The following KCND3 variants were observed in gnomAD, a reference collection of about 807,000 sequenced individuals.
KCND3 encodes the protein A-type voltage-gated potassium channel KCND3.
KCND3 carries 9 observed loss-of-function variants against 51.1 expected under a neutral mutation model. The ratio of observed to expected loss-of-function variants is 0.18; its 90% CI spans 0.11 to 0.31. The LOEUF is 0.31. Ranked by LOEUF, KCND3 falls within the 10% of genes least tolerant of loss-of-function variation. The pLI is 1.00. For synonymous variants in KCND3, 349 were observed against 368.0 expected (o/e 0.95, Z 0.59); for missense variants, 526 against 903.8 (o/e 0.58, Z 5.36).
chr1:111,787,979 C>G (rs1664680048), intron 2 of KCND3, among the ~76,000 whole-genome samples: 1 of 152,194 alleles, frequency 6.6e-6, no homozygotes, highest in Non-Finnish European at 1.5e-5. Flanking sequence ...AGAGGAGGAC[C>G]ATGAGCTCTG....
At chr1:111,970,084 T>A (rs1420637978) in intron 2 of KCND3, among the ~76,000 whole-genome samples, 1 of 151,974 alleles carries the variant, frequency 6.6e-6, no homozygotes, top group Non-Finnish European at 1.5e-5. Context: ...TGGCGCGATC[T>A]CAGCTCTCTG....
rs17215423 is a variant in KCND3 at position 111,982,058 on chromosome 1, C to G, written c.669G>C (p.Ser223=). Residue 223 remains serine (S), a synonymous_variant, in exon 2 of 8, where the codon TCG becomes TCC. Transcript: ENST00000302127. The surrounding 1 kb of genome is among the most constrained non-coding windows in gnomAD (Gnocchi z 8.5). ...SKELPCGERY[S]VAFFCLDTAC... ...CCGTGTCCAGGCAGAAGAAGGCCAC[C>G]GAGTAGCGCTCCCCGCACGGCAGCT... 30,702 of 1,613,706 alleles carry G rather than the reference C, an allele frequency of 0.019. 348 individuals are homozygous for G. Among genetic ancestry groups the G allele is most frequent in the Non-Finnish European group, 0.023 (26,849 of 1,179,968 alleles).
At chr1:111,948,562 T>C (rs1672904448) in intron 2 of KCND3, among the ~76,000 whole-genome samples, 1 of 152,056 alleles carries the variant, frequency 6.6e-6, no homozygotes, top group Non-Finnish European at 1.5e-5. Flanking sequence ...TCCCCCTGGG[T>C]TGGAGAGAGT....
At chr1:111,848,852 T>C (rs572777628) in intron 2 of KCND3, among the ~76,000 whole-genome samples, 1 of 152,306 alleles carries the variant, frequency 6.6e-6, no homozygotes, top group South Asian at 2.1e-4. Context: ...GGACGCGGGA[T>C]GTGCTGTCCA....
At chr1:111,827,904 G>C (rs1019526589) in intron 2 of KCND3, among the ~76,000 whole-genome samples, 2 of 152,140 alleles carry the variant, frequency 1.3e-5, no homozygotes, top group Non-Finnish European at 2.9e-5. Flanking sequence ...CTTTTTTCTA[G>C]AGCCCTGGGA....
intron 2 of KCND3, among the ~76,000 whole-genome samples, chr1:111,897,659 C>T (rs1473760684): frequency 2.0e-5 from 3 of 152,188 alleles, no homozygotes; most frequent in Non-Finnish European, 2.9e-5. Flanking sequence ...CATGGGCTCA[C>T]TTGTAAGTCT....
intron 2 of KCND3, among the ~76,000 whole-genome samples, chr1:111,891,268 G>A (rs1669808335): frequency 6.6e-6 from 1 of 152,214 alleles, no homozygotes; most frequent in Non-Finnish European, 1.5e-5. Flanking sequence ...GAATGGGCAA[G>A]AGATGAATCA....
intron 2 of KCND3, among the ~76,000 whole-genome samples, chr1:111,859,403 G>A (rs1048273351): frequency 9.8e-5 from 15 of 152,304 alleles, no homozygotes; most frequent in African/African-American, 3.6e-4. Context: ...GGTTGGATGG[G>A]ATGACTTCAC....
intron 6 of KCND3, 128 bp downstream of exon 6, chr1:111,778,308 G>A: frequency 1.1e-6 from 1 of 874,398 alleles, no homozygotes; most frequent in Non-Finnish European, 2.0e-6. Context: ...TGACAGCAGA[G>A]GTAGGAGGAG....
At position 111,982,716 on chromosome 1, in the gene KCND3, C is replaced by G; in HGVS notation, c.11G>C (p.Gly4Ala). 1 of 1,602,858 alleles carries G rather than the reference C, an allele frequency of 6.2e-7. No homozygotes were observed. The highest frequency in any genetic ancestry group is 8.5e-7 in the Non-Finnish European group (1 of 1,179,074). Residue 4 changes from glycine to alanine, a missense_variant, in exon 2 of 8, where the codon GGA becomes GCA. Coordinates refer to ENST00000302127, the MANE Select transcript of KCND3 (RefSeq NM_001378969.1). This position sits in a 1 kb window ranked among gnomAD's most constrained non-coding sequence, Gnocchi z 8.5. MAAGVAAWLPFARA... is the reference protein window; with the variant it reads MAAAVAAWLPFARA... Reference sequence around the variant, plus strand: ...GGCAAAAGGCAGCCAGGCCGCAACTCCGGCCGCCATGGTGACTCCAGCTCT... The same window carrying G: ...GGCAAAAGGCAGCCAGGCCGCAACTGCGGCCGCCATGGTGACTCCAGCTCT...
chr1:111,779,330 G>A (rs1380732214), intron 5 of KCND3, among the ~76,000 whole-genome samples: 2 of 152,026 alleles, frequency 1.3e-5, no homozygotes, highest in East Asian at 3.9e-4. Context: ...CAAAAAAAAA[G>A]GAGTCATCTA....
intron 2 of KCND3, among the ~76,000 whole-genome samples, chr1:111,938,290 T>C (rs897337220): frequency 2.6e-5 from 4 of 152,230 alleles, no homozygotes; most frequent in Admixed American, 6.5e-5. Context: ...TTCATTCTCA[T>C]ATTCAACCTG....
chr1:111,802,807 T>C (rs1234565093), intron 2 of KCND3, among the ~76,000 whole-genome samples: 1 of 152,256 alleles, frequency 6.6e-6, no homozygotes, highest in African/African-American at 2.4e-5. Context: ...ATGTTTCAAC[T>C]GAGCTGTGGA....
At chr1:111,798,033 G>T (rs1381808032) in intron 2 of KCND3, among the ~76,000 whole-genome samples, 1 of 152,148 alleles carries the variant, frequency 6.6e-6, no homozygotes, top group African/African-American at 2.4e-5. Flanking sequence ...AGGACAGATA[G>T]GTACTTATTG....
intron 2 of KCND3, among the ~76,000 whole-genome samples, chr1:111,902,318 A>G (rs759375281): frequency 2.6e-5 from 4 of 152,166 alleles, no homozygotes; most frequent in Non-Finnish European, 5.9e-5. Context: ...TTAACAACAC[A>G]CCTACATCCA....
intron 2 of KCND3, among the ~76,000 whole-genome samples, chr1:111,853,365 G>A (rs1438628940): frequency 6.6e-6 from 1 of 152,232 alleles, no homozygotes; most frequent in African/African-American, 2.4e-5. Flanking sequence ...CAAGCAGGCA[G>A]CAGACCTTCA....
intron 2 of KCND3, among the ~76,000 whole-genome samples, chr1:111,803,067 G>A (rs1462831137): frequency 7.2e-5 from 11 of 152,352 alleles, no homozygotes; most frequent in South Asian, 2.1e-4. Context: ...ACCTGCCTGC[G>A]AAGGACAGGA....
chr1:111,865,557 T>C (rs1222634919), intron 2 of KCND3, among the ~76,000 whole-genome samples: 1 of 152,190 alleles, frequency 6.6e-6, no homozygotes, highest in Non-Finnish European at 1.5e-5. Flanking sequence ...CTATAAATTA[T>C]TATCTTCAAA....
chr1:111,784,144 C>CACACACACA (rs59742862), intron 3 of KCND3, among the ~76,000 whole-genome samples: 20 of 149,240 alleles, frequency 1.3e-4, no homozygotes, highest in Non-Finnish European at 1.8e-4. Context: ...CACACACACA[C>CACACACACA]CAGTCCAAGT....
Sources: allele counts gnomAD v4.1 joint callset (sites outside exome capture counted in the v4.1 genomes callset), GRCh38; gene constraint gnomAD v4.1.1; non-coding constraint Gnocchi (gnomAD v3.1); transcripts MANE v1.5; gene names NCBI Gene and HGNC (gene_info 2026-07-23, HGNC 2026-07-21).